Variants in PEAK1 observed in about 807,000 individuals in gnomAD.
PEAK1 encodes the protein pseudopodium enriched atypical kinase 1.
PEAK1 carries 54 observed loss-of-function variants against 124.7 expected under a neutral mutation model. The observed-to-expected ratio is 0.43, with a 90% CI of 0.35 to 0.54. The LOEUF (loss-of-function observed/expected upper bound fraction) is 0.54, where lower values mean the gene tolerates loss of function less well. Ranked by LOEUF, PEAK1 falls within the 20% of genes least tolerant of loss-of-function variation. The pLI is 0.01. For missense variants in PEAK1, 2,046 were observed against 2,134.5 expected (o/e 0.96, Z 0.82); for synonymous variants, 719 against 760.0 (o/e 0.95, Z 0.89).
intron 5 of PEAK1, among the ~76,000 whole-genome samples, chr15:77,253,501 C>T (rs998652267): frequency 3.9e-5 from 6 of 152,150 alleles, no homozygotes; most frequent in Non-Finnish European, 8.8e-5. Context: ...AACTGAGTTT[C>T]CATCTGATAT....
rs748990952 is a variant in PEAK1, at chr15:77,180,919, C to A, written c.1008G>T (p.Met336Ile). ...CTGGTGATGTGGAGTCAGATGACAC[C>A]ATGCTCTGAATGCTTCCTTGTCCAT... ...VSYGQGSIQS[M>I]VSSDSTSPDS... The change falls in exon 7 of 10, where the codon ATG becomes ATT. Residue 336 changes from methionine to isoleucine, a missense_variant. Met to Ile is a conservative substitution (Grantham distance 10). Coordinates refer to ENST00000682557, the MANE Select transcript of PEAK1 (RefSeq NM_001385026.1). 4.3e-6 allele frequency: 7 copies of A among 1,614,046 alleles called. No homozygotes were observed. The highest frequency in any genetic ancestry group is 5.1e-6 in the Non-Finnish European group (6 of 1,179,990).
chr15:77,196,142 G>C (rs1028545245), intron 6 of PEAK1, among the ~76,000 whole-genome samples: 11 of 152,240 alleles, frequency 7.2e-5, no homozygotes, highest in Admixed American at 6.5e-5. Flanking sequence ...GTGAAGGACA[G>C]ATCAAATGAG....
chr15:77,232,438 C>T (rs1430315261), intron 6 of PEAK1, among the ~76,000 whole-genome samples: 1 of 152,128 alleles, frequency 6.6e-6, no homozygotes, highest in East Asian at 1.9e-4. Context: ...TATATATTTA[C>T]CTTTCCATTT....
chr15:77,344,577 T>C (rs1216414730), intron 2 of PEAK1, among the ~76,000 whole-genome samples: 1 of 152,260 alleles, frequency 6.6e-6, no homozygotes, highest in African/African-American at 2.4e-5. Flanking sequence ...AATTTTAGGA[T>C]ACATTTTCTA....
chr15:77,416,767 A>T (rs914859498), intron 1 of PEAK1, among the ~76,000 whole-genome samples: 2 of 152,238 alleles, frequency 1.3e-5, no homozygotes, highest in Non-Finnish European at 2.9e-5. Flanking sequence ...TTCTGAAAAC[A>T]GTAGAAAATT....
chr15:77,402,457 A>C, intron 1 of PEAK1: 12 of 984,626 alleles, frequency 1.2e-5, no homozygotes, highest in Non-Finnish European at 1.4e-5. Context: ...CATATCTTTT[A>C]GTAATGTGCC....
chr15:77,357,777 A>C (rs1453321718), intron 2 of PEAK1, among the ~76,000 whole-genome samples: 4 of 152,244 alleles, frequency 2.6e-5, no homozygotes, highest in Non-Finnish European at 5.9e-5. Context: ...ATCATTTTAT[A>C]CTATCTAAAT....
At chr15:77,158,967 G>A (rs1056024562) in intron 7 of PEAK1, among the ~76,000 whole-genome samples, 4 of 152,152 alleles carry the variant, frequency 2.6e-5, no homozygotes, top group African/African-American at 9.7e-5. Flanking sequence ...TATTTAGGTG[G>A]GAGGTGGTGA....
At chr15:77,254,984 T>C (rs1312936697) in intron 5 of PEAK1, among the ~76,000 whole-genome samples, 1 of 152,182 alleles carries the variant, frequency 6.6e-6, no homozygotes, top group Non-Finnish European at 1.5e-5. Flanking sequence ...AGATGCTGTT[T>C]TAGATAGCAT....
At chr15:77,335,396 G>C in intron 2 of PEAK1, 3 of 985,334 alleles carry the variant, frequency 3.0e-6, no homozygotes, top group Non-Finnish European at 3.6e-6. Flanking sequence ...TGGAAATTTA[G>C]ATGGGTGAAG....
intron 2 of PEAK1, among the ~76,000 whole-genome samples, chr15:77,311,586 T>G (rs953126286): frequency 6.7e-6 from 1 of 149,200 alleles, no homozygotes; most frequent in Non-Finnish European, 1.5e-5. Flanking sequence ...GCAGGGAGAA[T>G]TGCTTGAACC....
chr15:77,148,257 T>C (rs2054311792), intron 8 of PEAK1, among the ~76,000 whole-genome samples: 1 of 152,234 alleles, frequency 6.6e-6, no homozygotes. Context: ...CGGGAGATTC[T>C]GAAGGAGGGT....
chr15:77,417,785 T>G (rs1190684852), intron 1 of PEAK1: 2 of 985,378 alleles, frequency 2.0e-6, no homozygotes, highest in African/African-American at 3.5e-5. Flanking sequence ...TCATGATGCT[T>G]CACCACGGAA....
intron 5 of PEAK1, among the ~76,000 whole-genome samples, chr15:77,279,096 CGTGTGTGCGTGT>C (rs2062512919): frequency 9.1e-6 from 1 of 110,066 alleles, no homozygotes; most frequent in East Asian, 2.2e-4. Flanking sequence ...CCAAGGTGCT[CGTGTGTGCGTGT>C]GTGTGTGTGT....
chr15:77,250,794 C>G lies in PEAK1; in HGVS notation c.-115+1573G>C, dbSNP rs569943347. Among the ~76,000 whole-genome samples the G allele has an allele frequency of 2.0e-5, 3 of 152,168 alleles. No homozygotes were observed. The South Asian group carries it at 6.2e-4, about 32-fold the overall frequency. ...ATGTTGGTCAGGCTGGTCTTGAACT[C>G]CTGACCTCAAGTGATCCGCCTGCCT... On this transcript the variant is annotated intron_variant, in intron 6 of 9. Coordinates refer to ENST00000682557, the MANE Select transcript of PEAK1 (RefSeq NM_001385026.1).
At chr15:77,320,714 G>T (rs993324729) in intron 2 of PEAK1, among the ~76,000 whole-genome samples, 1 of 152,006 alleles carries the variant, frequency 6.6e-6, no homozygotes, top group Non-Finnish European at 1.5e-5. Context: ...CAACGTGCAG[G>T]TTAGTTACAT....
chr15:77,134,414 G>A lies in PEAK1; in HGVS notation c.3332-664C>T, dbSNP rs545186453. 2.6e-5 allele frequency among the ~76,000 whole-genome samples: 4 copies of A among 152,352 alleles called. No individual in the cohort carries two copies. The East Asian group carries it at 7.7e-4, about 29-fold the overall frequency. ...CTGTGATTGTGGTAAGGGGAACAGT[G>A]TATATGAGCAGTCAACTTCTGTTCT... is the stretch of plus-strand genomic sequence containing the variant. On this transcript the variant is annotated intron_variant, in intron 8 of 9. Coordinates refer to ENST00000682557, the MANE Select transcript of PEAK1 (RefSeq NM_001385026.1).
intron 2 of PEAK1, among the ~76,000 whole-genome samples, chr15:77,362,442 C>T (rs78481361): frequency 0.22 from 34,123 of 151,906 alleles, 4,311 homozygotes; most frequent in Middle Eastern, 0.3. Flanking sequence ...AAATCAAAAC[C>T]ACCATATACC....
chr15:77,154,981 G>A (rs991361885), intron 8 of PEAK1, among the ~76,000 whole-genome samples: 1 of 152,048 alleles, frequency 6.6e-6, no homozygotes, highest in Non-Finnish European at 1.5e-5. Context: ...TGCTCTTCTC[G>A]AGGAGTATCT....
Sources: allele counts gnomAD v4.1 joint callset (sites outside exome capture counted in the v4.1 genomes callset), GRCh38; gene constraint gnomAD v4.1.1; transcripts MANE v1.5; gene names NCBI Gene and HGNC (gene_info 2026-07-23, HGNC 2026-07-21).